Variants in CTNND2 observed in about 807,000 individuals in gnomAD.
CTNND2 encodes the protein catenin delta-2.
Under a neutral mutation model 144.4 loss-of-function variants are expected in CTNND2, and 22 were observed. The observed-to-expected ratio is 0.15, with a 90% CI of 0.11 to 0.22. The LOEUF (loss-of-function observed/expected upper bound fraction) is 0.22, where lower values mean the gene tolerates loss of function less well. CTNND2 is among the 10% of genes least tolerant of loss of function. The pLI is 1.00. For synonymous variants in CTNND2, 751 were observed against 695.6 expected (o/e 1.08, Z -1.25); for missense variants, 1,353 against 1,618.8 (o/e 0.84, Z 2.82).
At chr5:11,684,468 G>A (rs1784556703) in intron 2 of CTNND2, among the ~76,000 whole-genome samples, 1 of 152,006 alleles carries the variant, frequency 6.6e-6, no homozygotes, top group Non-Finnish European at 1.5e-5. Flanking sequence ...AAAGGATATT[G>A]TTTCATTGAA....
chr5:11,417,767 C>T (rs1350336252), intron 3 of CTNND2, among the ~76,000 whole-genome samples: 1 of 152,118 alleles, frequency 6.6e-6, no homozygotes, highest in East Asian at 1.9e-4. Context: ...ACATGTAATA[C>T]CTAATCACCC....
intron 10 of CTNND2, among the ~76,000 whole-genome samples, chr5:11,229,243 G>T (rs994047972): frequency 6.6e-6 from 1 of 152,214 alleles, no homozygotes; most frequent in African/African-American, 2.4e-5. Flanking sequence ...AATGAGGCAT[G>T]TTAATAGGGA....
chr5:11,005,490 G>C (rs1740395443), intron 18 of CTNND2, among the ~76,000 whole-genome samples: 1 of 152,164 alleles, frequency 6.6e-6, no homozygotes, highest in South Asian at 2.1e-4. Flanking sequence ...CCAGGACCAG[G>C]GACAGATGAT....
At chr5:11,735,978 C>T (rs1020905475) in intron 1 of CTNND2, among the ~76,000 whole-genome samples, 1 of 151,996 alleles carries the variant, frequency 6.6e-6, no homozygotes, top group African/African-American at 2.4e-5. Context: ...TTTATTGGGC[C>T]CATGCTAATT....
chr5:11,639,379 C>T (rs1178421954), intron 2 of CTNND2, among the ~76,000 whole-genome samples: 1 of 152,150 alleles, frequency 6.6e-6, no homozygotes, highest in Non-Finnish European at 1.5e-5. Flanking sequence ...CTGAATCAAT[C>T]CACAGTTAGC....
intron 9 of CTNND2, 48 bp from the exon 10 acceptor site, chr5:11,236,871 C>T (rs765596537): frequency 1.2e-6 from 2 of 1,604,022 alleles, no homozygotes; most frequent in Non-Finnish European, 1.7e-6. Context: ...GAAATCCTAC[C>T]ACACTGTTAA....
intron 3 of CTNND2, among the ~76,000 whole-genome samples, chr5:11,462,838 C>T (rs1391755292): frequency 6.6e-6 from 1 of 152,010 alleles, no homozygotes; most frequent in Non-Finnish European, 1.5e-5. Flanking sequence ...AAATAAACCA[C>T]CACCAAGAAA....
At chr5:11,624,099 T>C (rs1232484799) in intron 2 of CTNND2, among the ~76,000 whole-genome samples, 1 of 151,824 alleles carries the variant, frequency 6.6e-6, no homozygotes, top group Non-Finnish European at 1.5e-5. Flanking sequence ...AGGAACAGAC[T>C]AATACACTCG....
Position 10,986,384 on chromosome 5 carries a change from T to C in CTNND2, c.3343+1727A>G, listed in dbSNP as rs539534943. Among the ~76,000 whole-genome samples, 6 of 152,314 alleles carry C rather than the reference T, an allele frequency of 3.9e-5. No homozygotes were observed. In the East Asian group the frequency reaches 9.7e-4, roughly 25 times the overall value. On this transcript the variant is annotated intron_variant, in intron 20 of 21. Transcript: ENST00000304623. ...TGAAACTGAATAATAATGCAGTCGATCTCACAACTGTTCCTTAATCTCAGT... is the reference window on the plus strand; with the variant it reads ...TGAAACTGAATAATAATGCAGTCGACCTCACAACTGTTCCTTAATCTCAGT...
At chr5:11,839,931 T>A (rs1161349997) in intron 1 of CTNND2, among the ~76,000 whole-genome samples, 2 of 152,184 alleles carry the variant, frequency 1.3e-5, no homozygotes, top group Non-Finnish European at 2.9e-5. Context: ...ATAACTAAAC[T>A]TATGGATATG....
chr5:11,000,568 G>T (rs1579997550), intron 18 of CTNND2, among the ~76,000 whole-genome samples: 1 of 152,222 alleles, frequency 6.6e-6, no homozygotes, highest in South Asian at 2.1e-4. Flanking sequence ...GAGCACAGGA[G>T]TTTGTTAGCT....
chr5:11,509,994 C>G (rs1308854134), intron 3 of CTNND2, among the ~76,000 whole-genome samples: 2 of 152,202 alleles, frequency 1.3e-5, no homozygotes. Context: ...GACAATGGCG[C>G]AATCACAGCT....
intron 2 of CTNND2, among the ~76,000 whole-genome samples, chr5:11,591,239 A>G (rs1779225182): frequency 6.6e-6 from 1 of 152,216 alleles, no homozygotes; most frequent in South Asian, 2.1e-4. Context: ...TTAGAAGGTT[A>G]TACAACTTTG....
At chr5:11,294,623 G>T (rs1165706849) in intron 9 of CTNND2, among the ~76,000 whole-genome samples, 1 of 152,088 alleles carries the variant, frequency 6.6e-6, no homozygotes, top group Non-Finnish European at 1.5e-5. Flanking sequence ...ACATCAAAAA[G>T]CTTATCCACC....
intron 9 of CTNND2, among the ~76,000 whole-genome samples, chr5:11,345,783 AAAG>A (rs1336934445): frequency 3.3e-5 from 5 of 150,214 alleles, no homozygotes; most frequent in African/African-American, 9.9e-5. Flanking sequence ...AGAAAGAAAG[AAAG>A]AAAAAACAGC....
intron 12 of CTNND2, among the ~76,000 whole-genome samples, chr5:11,126,162 G>A (rs561056226): frequency 3.9e-5 from 6 of 152,270 alleles, no homozygotes; most frequent in South Asian, 2.1e-4. Flanking sequence ...TTAGCTGGGC[G>A]TGGTGGCACA....
chr5:11,711,062 T>C (rs11133664), intron 2 of CTNND2, among the ~76,000 whole-genome samples: 28,849 of 150,414 alleles, frequency 0.19, 3,064 homozygotes, highest in South Asian at 0.29. Flanking sequence ...AATGATTGGC[T>C]TAATTTTTTT....
chr5:11,287,820 A>G (rs1747905568), intron 9 of CTNND2, among the ~76,000 whole-genome samples: 1 of 152,204 alleles, frequency 6.6e-6, no homozygotes, highest in South Asian at 2.1e-4. Flanking sequence ...CTCAATTATA[A>G]TTTGAATCAC....
At chr5:11,036,237 G>C (rs927170508) in intron 16 of CTNND2, among the ~76,000 whole-genome samples, 2 of 151,838 alleles carry the variant, frequency 1.3e-5, no homozygotes, top group African/African-American at 4.8e-5. Flanking sequence ...AAAGATCCTT[G>C]CTTATGAAAA....
Sources: allele counts gnomAD v4.1 joint callset (sites outside exome capture counted in the v4.1 genomes callset), GRCh38; gene constraint gnomAD v4.1.1; transcripts MANE v1.5; gene names NCBI Gene and HGNC (gene_info 2026-07-23, HGNC 2026-07-21).